The following TRPS1 variants were observed in gnomAD, a reference collection of about 807,000 sequenced individuals.
TRPS1 encodes transcriptional repressor GATA binding 1.
Under a neutral mutation model 101.2 loss-of-function variants are expected in TRPS1, and 6 were observed. The observed-to-expected ratio is 0.06, with a 90% confidence interval of 0.03 to 0.12. The LOEUF is 0.12. Among genes scored for constraint, TRPS1 ranks in the 10% least tolerant of loss-of-function variants. TRPS1 has a pLI of 1.00. For synonymous variants in TRPS1, 578 were observed against 589.8 expected (o/e 0.98, Z 0.29); for missense variants, 1,363 against 1,567.0 (o/e 0.87, Z 2.20).
chr8:115,581,890 T>C (rs1424993475), intron 5 of TRPS1, among the ~76,000 whole-genome samples: 2 of 152,186 alleles, frequency 1.3e-5, no homozygotes, highest in Non-Finnish European at 2.9e-5. Flanking sequence ...AATACATCTA[T>C]ATGGCACAGA....
At chr8:115,641,479 C>T (rs532134942) in intron 1 of TRPS1, among the ~76,000 whole-genome samples, 1 of 152,314 alleles carries the variant, frequency 6.6e-6, no homozygotes, top group South Asian at 2.1e-4. Context: ...TACCATCCCA[C>T]GCCTTTCACC....
In TRPS1 at chr8:115,602,058, A is replaced by C. The variant is rs79529658; in HGVS notation, c.2096+1815T>G. Among the ~76,000 whole-genome samples the C allele has an allele frequency of 8.9e-3, 1,362 of 152,302 alleles. 21 individuals carry two copies. Among genetic ancestry groups the C allele is most frequent in the Admixed American group, 0.037 (572 of 15,282 alleles). On this transcript the variant is annotated intron_variant, in intron 4 of 6. Transcript: ENST00000395715. ...GCATGTGAAAACCCTGTTTTCCCAG[A>C]CATTCTCAAGCAATGCCTCAGCTGC...
At chr8:115,474,877 A>C (rs1214270226) in intron 5 of TRPS1, among the ~76,000 whole-genome samples, 2 of 152,108 alleles carry the variant, frequency 1.3e-5, no homozygotes, top group Non-Finnish European at 2.9e-5. Flanking sequence ...CAAGTTATAA[A>C]AGTAGCAAAC....
chr8:115,524,392 C>T (rs1034114379), intron 5 of TRPS1, among the ~76,000 whole-genome samples: 2 of 139,650 alleles, frequency 1.4e-5, no homozygotes, highest in African/African-American at 2.7e-5. Flanking sequence ...GTGATCTCAG[C>T]TCACCGCAAC....
rs375049528 is a variant in TRPS1, at chr8:115,604,863, T to C, written c.1106A>G (p.Gln369Arg). ...SSTELEQHFLQTHPNKIKASL... is the reference protein window; with the variant it reads ...SSTELEQHFLRTHPNKIKASL... ...AGCTTTTATTTTGTTTGGGTGAGTC[T>C]GAAGAAAATGTTGTTCTAATTCGGT... Residue 369 changes from glutamine (Q) to arginine (R), a missense_variant, in exon 4 of 7, where the codon CAG becomes CGG. Physicochemically the swap from Gln to Arg is conservative, Grantham distance 43. Transcript: ENST00000395715. This position sits in a 1 kb window ranked among gnomAD's most constrained non-coding sequence, Gnocchi z 4.1. 1 of 1,614,004 alleles carries C rather than the reference T, an allele frequency of 6.2e-7. No homozygotes were observed.
At chr8:115,507,253 G>A (rs1218073546) in intron 5 of TRPS1, among the ~76,000 whole-genome samples, 1 of 152,086 alleles carries the variant, frequency 6.6e-6, no homozygotes, top group African/African-American at 2.4e-5. Context: ...CGTACGAGAA[G>A]AAGGGGGCTG....
chr8:115,436,250 G>A (rs1260169599), intron 5 of TRPS1, among the ~76,000 whole-genome samples: 1 of 152,128 alleles, frequency 6.6e-6, no homozygotes, highest in Non-Finnish European at 1.5e-5. Context: ...CGGGATTCAA[G>A]TGATACCCTG....
At chr8:115,462,897 C>G (rs1814223369) in intron 5 of TRPS1, among the ~76,000 whole-genome samples, 1 of 152,046 alleles carries the variant, frequency 6.6e-6, no homozygotes, top group South Asian at 2.1e-4. Context: ...AGAAAGGATA[C>G]TGCCAAAAAG....
At chr8:115,511,328 A>G (rs1815577190) in intron 5 of TRPS1, 1 of 151,914 alleles carries the variant, frequency 6.6e-6, no homozygotes, top group Admixed American at 6.6e-5. Context: ...CCTAACCAGA[A>G]TGATATGTGT....
chr8:115,627,362 C>T (rs1397760600), intron 1 of TRPS1, among the ~76,000 whole-genome samples: 1 of 151,658 alleles, frequency 6.6e-6, no homozygotes, highest in Non-Finnish European at 1.5e-5. Context: ...TCTGCAATGA[C>T]AACTGTTGAT....
intron 5 of TRPS1, among the ~76,000 whole-genome samples, chr8:115,526,936 T>C (rs1264472537): frequency 6.6e-6 from 1 of 152,160 alleles, no homozygotes; most frequent in Non-Finnish European, 1.5e-5. Context: ...GATACACTGA[T>C]GTGAGGCTTC....
At position 115,587,236 on chromosome 8, in the gene TRPS1, G is replaced by C. The variant is rs777464547; in HGVS notation, c.2465C>G (p.Ala822Gly). 9.3e-6 allele frequency: 15 copies of C among 1,614,244 alleles called. No individual in the cohort carries two copies. In the South Asian group the frequency reaches 1.5e-4, roughly 17 times the overall value. The change falls in exon 5 of 7, where the codon GCA becomes GGA. Residue 822 changes from alanine (A) to glycine (G), a missense_variant. Transcript: ENST00000395715. Reference sequence around the variant, plus strand: ...CACAGGCGTCAGCAGCCCCAGGCTTGCTTGGGTGTATGACGGACTCCCCCG... The same window carrying C: ...CACAGGCGTCAGCAGCCCCAGGCTTCCTTGGGTGTATGACGGACTCCCCCG... ...ILRGSPSYTQASLGLLTPVSG... is the reference protein window; with the variant it reads ...ILRGSPSYTQGSLGLLTPVSG...
intron 1 of TRPS1, among the ~76,000 whole-genome samples, chr8:115,638,883 G>A (rs1384838280): frequency 1.3e-5 from 2 of 152,102 alleles, no homozygotes; most frequent in Admixed American, 1.3e-4. Context: ...TACTGAAATA[G>A]ATTGTAAATG....
chr8:115,451,242 G>A (rs992469628), intron 5 of TRPS1, among the ~76,000 whole-genome samples: 5 of 151,976 alleles, frequency 3.3e-5, no homozygotes, highest in African/African-American at 1.2e-4. Context: ...TCTGAATATC[G>A]GAAAATCCAA....
intron 5 of TRPS1, among the ~76,000 whole-genome samples, chr8:115,494,547 T>G (rs1815103870): frequency 1.3e-5 from 2 of 152,222 alleles, no homozygotes; most frequent in South Asian, 4.1e-4. Flanking sequence ...GACTTCAAAG[T>G]TGACAAATTT....
intron 1 of TRPS1, among the ~76,000 whole-genome samples, chr8:115,647,346 A>C (rs984680107): frequency 2.6e-5 from 4 of 152,192 alleles, no homozygotes. Flanking sequence ...TTTAAAAATA[A>C]GCTTGATGAT....
chr8:115,432,246 G>A (rs1214458658), intron 5 of TRPS1, among the ~76,000 whole-genome samples: 4 of 151,470 alleles, frequency 2.6e-5, no homozygotes, highest in Admixed American at 6.6e-5. Flanking sequence ...AGGATTAAAC[G>A]AAGAATTTAT....
chr8:115,438,481 G>C (rs1349031557), intron 5 of TRPS1, among the ~76,000 whole-genome samples: 6 of 152,074 alleles, frequency 3.9e-5, no homozygotes, highest in South Asian at 2.1e-4. Flanking sequence ...CATGATGAAG[G>C]GTCATGAATA....
intron 1 of TRPS1, among the ~76,000 whole-genome samples, chr8:115,627,438 G>A (rs1818534380): frequency 6.6e-6 from 1 of 151,724 alleles, no homozygotes. Context: ...CTACTTCTCT[G>A]TTAAACTTAG....
Sources: allele counts gnomAD v4.1 joint callset (sites outside exome capture counted in the v4.1 genomes callset), GRCh38; gene constraint gnomAD v4.1.1; non-coding constraint Gnocchi (gnomAD v3.1); transcripts MANE v1.5; gene names NCBI Gene and HGNC (gene_info 2026-07-23, HGNC 2026-07-21).